Variants in SYNE1 observed in about 807,000 individuals in gnomAD.
SYNE1 encodes nesprin-1.
SYNE1 carries 616 observed loss-of-function variants against 1,111.0 expected under a neutral mutation model. The observed-to-expected ratio is 0.55, with a 90% CI of 0.52 to 0.59. SYNE1 has a LOEUF of 0.59. SYNE1 is among the 20% of genes least tolerant of loss of function. The pLI is 0.00. For synonymous variants in SYNE1, 3,855 were observed against 3,825.8 expected, an observed-to-expected ratio of 1.01 and a Z score of -0.28; for missense variants, 10,006 against 10,417.0, an observed-to-expected ratio of 0.96 and a Z score of 1.72.
intron 9 of SYNE1, among the ~76,000 whole-genome samples, chr6:152,504,139 C>T (rs1052128595): frequency 6.6e-6 from 1 of 152,086 alleles, no homozygotes; most frequent in African/African-American, 2.4e-5. Flanking sequence ...ATAATGTCAG[C>T]TCTGATACAT....
chr6:152,536,315 G>A (rs995958257), intron 4 of SYNE1, among the ~76,000 whole-genome samples: 14 of 140,086 alleles, frequency 1.0e-4, no homozygotes, highest in Admixed American at 5.2e-4. Context: ...AATGTTCTGC[G>A]CCAATATATA....
chr6:152,278,426 G>A (rs1047295952), intron 97 of SYNE1, 146 bp from the exon 98 acceptor site: 8 of 815,522 alleles, frequency 9.8e-6, no homozygotes, highest in African/African-American at 3.4e-5. Flanking sequence ...CGGCCTTGAC[G>A]AGTAAGTAGT....
chr6:152,346,412 C>G (rs1386383548), intron 73 of SYNE1, among the ~76,000 whole-genome samples: 3 of 152,256 alleles, frequency 2.0e-5, no homozygotes, highest in African/African-American at 7.2e-5. Flanking sequence ...AGTGATTCAC[C>G]TGCTTTGGCC....
intron 16 of SYNE1, among the ~76,000 whole-genome samples, chr6:152,469,592 T>A (rs150059842): frequency 6.6e-6 from 1 of 152,310 alleles, no homozygotes; most frequent in African/African-American, 2.4e-5. Flanking sequence ...TAAATTGAAC[T>A]GATATTTATG....
chr6:152,230,882 G>C (rs1315110383), intron 114 of SYNE1, among the ~76,000 whole-genome samples, 180 bp from the exon 115 acceptor site: 1 of 151,332 alleles, frequency 6.6e-6, no homozygotes, highest in African/African-American at 2.4e-5. Context: ...CACACTGGAA[G>C]AAGAAGAATT....
In SYNE1 at chr6:152,391,435, G is replaced by A. The variant is rs2097626472; in HGVS notation, c.7846C>T (p.Leu2616Phe). The A allele has an allele frequency of 1.2e-6, 2 of 1,613,932 alleles. No individual in the cohort carries two copies. Among genetic ancestry groups the A allele is most frequent in the Admixed American group, 1.7e-5 (1 of 59,990 alleles). The change falls in exon 52 of 146, where the codon CTC becomes TTC. Residue 2616 changes from leucine (L) to phenylalanine (F), a missense_variant. Coordinates refer to ENST00000367255, the MANE Select transcript of SYNE1 (RefSeq NM_182961.4). ...TGAAGGGCCACCTGGCAGCTCCGGAGTTTCTCTTTGGTCATTCTAAGTAGG... is the reference window on the plus strand; with the variant it reads ...TGAAGGGCCACCTGGCAGCTCCGGAATTTCTCTTTGGTCATTCTAAGTAGG... ...QNLLRMTKEK[L>F]RSCQVALQEH...
chr6:152,405,381 A>G (rs2097882336), intron 45 of SYNE1, among the ~76,000 whole-genome samples: 2 of 152,230 alleles, frequency 1.3e-5, no homozygotes, highest in Admixed American at 1.3e-4. Flanking sequence ...CACCATGGTA[A>G]GCTACAACAT....
intron 70 of SYNE1, 38 bp from the exon 71 acceptor site, chr6:152,350,808 T>C: frequency 6.2e-7 from 1 of 1,613,192 alleles, no homozygotes. Context: ...CCTGCTCATC[T>C]CCGTGGACAA....
intron 98 of SYNE1, among the ~76,000 whole-genome samples, chr6:152,272,169 T>G (rs2093262688): frequency 6.6e-6 from 1 of 152,238 alleles, no homozygotes. Flanking sequence ...TTGTGAAACA[T>G]AAGACTTGGA....
chr6:152,234,213 A>G (rs1476528801), intron 111 of SYNE1, among the ~76,000 whole-genome samples: 1 of 152,204 alleles, frequency 6.6e-6, no homozygotes, highest in Non-Finnish European at 1.5e-5. Context: ...TAATTATGGA[A>G]CACACATAGT....
chr6:152,234,530 T>C (rs2083544593), intron 111 of SYNE1, 138 bp downstream of exon 111: 4 of 960,552 alleles, frequency 4.2e-6, no homozygotes, highest in Admixed American at 3.4e-5. Flanking sequence ...CCTGACCTCG[T>C]GATCTGACTG....
chr6:152,350,683 C>T lies in SYNE1; in HGVS notation c.11668G>A (p.Val3890Ile), dbSNP rs760680769. ...GEALLELVQD[V>I]TLKDKIDQLQ... ...TGATCTATTTTGTCCTTTAAAGTGA[C>T]GTCCTGCACCAGTTCCAAAAGAGCT... Residue 3890 changes from valine to isoleucine, a missense_variant, in exon 71 of 146, where the codon GTC becomes ATC. Val to Ile is a conservative substitution (Grantham distance 29). Coordinates refer to ENST00000367255, the MANE Select transcript of SYNE1 (RefSeq NM_182961.4). 35 of 1,613,916 alleles carry T rather than the reference C, an allele frequency of 2.2e-5. No individual in the cohort carries two copies. Among genetic ancestry groups the T allele is most frequent in the African/African-American group, 2.1e-4 (16 of 74,870 alleles).
In SYNE1 at chr6:152,208,111, A is replaced by T. The variant is rs1163309879; in HGVS notation, c.22685T>A (p.Ile7562Asn). The T allele has an allele frequency of 1.2e-6, 2 of 1,614,106 alleles. No homozygotes were observed. The highest frequency in any genetic ancestry group is 1.7e-6 in the Non-Finnish European group (2 of 1,180,014). Residue 7562 changes from isoleucine to asparagine, a missense_variant, in exon 125 of 146, where the codon ATT becomes AAT. By Grantham distance (149) the Ile-to-Asn change is moderately radical. This residue lies in a region of SYNE1 where 2,182 missense variants were observed against 2,287.8 expected (regional missense o/e 0.95). Coordinates refer to ENST00000367255, the MANE Select transcript of SYNE1 (RefSeq NM_182961.4). ...CTCCCTATAGCGCTGCCACTGGCGA[A>T]TCTGGCTGTCAATGATCCCCCGCCT... ...QQRRGIIDSQ[I>N]RQWQRYREMA...
intron 58 of SYNE1, 153 bp downstream of exon 58, chr6:152,376,228 T>G: frequency 1.4e-6 from 1 of 718,326 alleles, no homozygotes; most frequent in South Asian, 1.6e-5. Flanking sequence ...TAACGCTCAT[T>G]GGCCTGCTGC....
chr6:152,232,777 C>G (rs775277409), intron 112 of SYNE1, among the ~76,000 whole-genome samples: 3 of 152,194 alleles, frequency 2.0e-5, no homozygotes, highest in African/African-American at 4.8e-5. Flanking sequence ...ACACTACTTA[C>G]AATTCGAAAT....
chr6:152,476,749 G>C (rs1211265191), intron 14 of SYNE1, among the ~76,000 whole-genome samples: 2 of 151,992 alleles, frequency 1.3e-5, no homozygotes, highest in Non-Finnish European at 2.9e-5. Flanking sequence ...CATGCCTGTA[G>C]TCCCACCTTC....
intron 93 of SYNE1, among the ~76,000 whole-genome samples, chr6:152,295,517 C>G (rs1384241973): frequency 1.3e-5 from 2 of 152,100 alleles, no homozygotes; most frequent in African/African-American, 2.4e-5. Context: ...CTTGCCAAGA[C>G]TCTTGTTTCT....
In SYNE1 at chr6:152,180,270, C is replaced by A; in HGVS notation, c.23326G>T (p.Gly7776Cys). The A allele has an allele frequency of 1.2e-6, 2 of 1,614,062 alleles. No homozygotes were observed. The highest frequency in any genetic ancestry group is 1.7e-6 in the Non-Finnish European group (2 of 1,179,982). Residue 7776 changes from glycine (G) to cysteine (C), a missense_variant, in exon 129 of 146, where the codon GGT becomes TGT. Physicochemically the swap from Gly to Cys is radical, Grantham distance 159 (BLOSUM62 -3). Coordinates refer to ENST00000367255, the MANE Select transcript of SYNE1 (RefSeq NM_182961.4). ...ACTGCCCATTCATTCAATCTTTCAC[C>A]TATTTGCTGCCGCCTTAAGGAGAGC... ...HQLSLRRQQI[G>C]ERLNEWAVFS...
intron 91 of SYNE1, among the ~76,000 whole-genome samples, chr6:152,307,893 C>T (rs1271322528): frequency 1.3e-5 from 2 of 152,082 alleles, no homozygotes; most frequent in African/African-American, 4.8e-5. Flanking sequence ...AGTGCAGTGG[C>T]GCGATCTTGG....
Sources: allele counts gnomAD v4.1 joint callset (sites outside exome capture counted in the v4.1 genomes callset), GRCh38; gene constraint gnomAD v4.1.1; regional missense constraint gnomAD v4.1.1; transcripts MANE v1.5; gene names NCBI Gene and HGNC (gene_info 2026-07-23, HGNC 2026-07-21).